Variants in AARS1 observed in about 807,000 individuals in gnomAD.
The protein encoded by AARS1 is alanyl-tRNA synthetase 1.
In AARS1, 72 loss-of-function variants were observed where a neutral mutation model predicts 108.9. That is an observed-to-expected ratio of 0.66 (90% CI 0.55 to 0.80). The LOEUF (loss-of-function observed/expected upper bound fraction) is 0.80. Ranked by LOEUF, AARS1 falls within the 30% of genes least tolerant of loss-of-function variation. The pLI is 0.00. For synonymous variants in AARS1, 489 were observed against 465.7 expected (o/e 1.05, Z -0.64); for missense variants, 1,193 against 1,233.2 (o/e 0.97, Z 0.49).
chr16:70,278,278 T>C (rs1313630039), intron 2 of AARS1, among the ~76,000 whole-genome samples: 1 of 151,636 alleles, frequency 6.6e-6, no homozygotes, highest in East Asian at 1.9e-4. Context: ...AAATTAGAAA[T>C]TCTCAGCTGG....
chr16:70,253,301 A>C lies in AARS1; in HGVS notation c.2688T>G (p.Ala896=). 6.2e-7 allele frequency: 1 copy of C among 1,614,138 alleles called. No individual in the cohort carries two copies. Among genetic ancestry groups the C allele is most frequent in the Non-Finnish European group, 8.5e-7 (1 of 1,179,982 alleles). The part of the protein sequence containing the change: ...SAMLFTVDNE[A]GKITCLCQVP... ...CTTGACACAGGCACGTGATCTTGCCAGCCTCATTGTCCACCGTGAAGAGCA... is the reference window on the plus strand; with the variant it reads ...CTTGACACAGGCACGTGATCTTGCCCGCCTCATTGTCCACCGTGAAGAGCA... Residue 896 remains alanine (A), a synonymous_variant, in exon 20 of 21, where the codon GCT becomes GCG. Coordinates refer to ENST00000261772, the MANE Select transcript of AARS1 (RefSeq NM_001605.3).
intron 16 of AARS1, 30 bp downstream of exon 16, chr16:70,255,698 A>T (rs1959971975): frequency 6.2e-7 from 1 of 1,602,950 alleles, no homozygotes; most frequent in African/African-American, 1.3e-5. Flanking sequence ...CCTTCTTCAG[A>T]TAAGCCACAA....
intron 16 of AARS1, 30 bp from the exon 17 acceptor site, chr16:70,254,764 C>G: frequency 6.8e-7 from 1 of 1,479,848 alleles, no homozygotes; most frequent in South Asian, 1.1e-5. Context: ...CAACCCCAAG[C>G]AGGAGGTCTG....
At chr16:70,261,285 C>A (rs996210401) in intron 12 of AARS1, 128 bp from the exon 13 acceptor site, 1 of 660,462 alleles carries the variant, frequency 1.5e-6, no homozygotes, top group Non-Finnish European at 2.7e-6. Flanking sequence ...CACACATACT[C>A]CCTTAATATC....
intron 15 of AARS1, among the ~76,000 whole-genome samples, chr16:70,257,580 GGCC>G (rs1283461613): frequency 1.3e-5 from 2 of 152,148 alleles, no homozygotes; most frequent in East Asian, 3.9e-4. Flanking sequence ...TCAACCACGT[GGCC>G]TGCTCGGGGG....
rs778352731 is a variant in AARS1, at chr16:70,262,438, C to T, written c.1579G>A (p.Val527Met). 4 of 1,614,114 alleles carry T rather than the reference C, an allele frequency of 2.5e-6. No individual in the cohort carries two copies. The highest frequency in any genetic ancestry group is 1.7e-5 in the Admixed American group (1 of 60,006). ...EEVSTGQECG[V>M]VLDKTCFYAE... The stretch of plus-strand genomic sequence containing the variant: ...TAGAAACAGGTCTTGTCCAGCACCA[C>T]TCCACACTCCTGGCCTGTGGACACC... Residue 527 changes from valine (V) to methionine (M), a missense_variant, in exon 12 of 21, where the codon GTG becomes ATG. By Grantham distance (21) the Val-to-Met change is conservative. Transcript: ENST00000261772.
In AARS1 at chr16:70,252,615, G is replaced by T; in HGVS notation, c.*106C>A. The T allele has an allele frequency of 7.8e-7, 1 of 1,287,012 alleles. No homozygotes were observed. 79.7% of individuals were successfully genotyped at this position (1,287,012 alleles called of 1,614,324 possible). On this transcript the variant is annotated 3_prime_UTR_variant, in exon 21 of 21. Coordinates refer to ENST00000261772, the MANE Select transcript of AARS1 (RefSeq NM_001605.3). The stretch of plus-strand genomic sequence containing the variant: ...CCCAAGTGTGTTCCAGTTACTGCTG[G>T]GTTAGGAGGGGCTCTTTAAAGGTCC...
chr16:70,284,238 G>A (rs1190202780), intron 1 of AARS1, among the ~76,000 whole-genome samples: 1 of 151,038 alleles, frequency 6.6e-6, no homozygotes, highest in African/African-American at 2.4e-5. Context: ...CCCAGGAGGT[G>A]GAGGTTGCAG....
chr16:70,281,581 G>A (rs925860075), intron 2 of AARS1, among the ~76,000 whole-genome samples: 20 of 152,166 alleles, frequency 1.3e-4, no homozygotes, highest in African/African-American at 4.3e-4. Context: ...CAGGAGAATC[G>A]CTTGAACTCG....
Position 70,252,499 on chromosome 16 carries a change from C to CCGTCT in AARS1, c.*221_*222insAGACG. 1 of 591,284 alleles carries CCGTCT rather than the reference C, an allele frequency of 1.7e-6. No individual in the cohort carries two copies. The highest frequency in any genetic ancestry group is 3.0e-6 in the Non-Finnish European group (1 of 331,598). The allele number at this position is 591,284 out of a possible 1,614,324, so 36.6% of individuals were successfully genotyped here. A position where few individuals can be genotyped will look rare whatever the true frequency, so the allele number is the denominator to read the frequency against. On this transcript the variant is annotated 3_prime_UTR_variant, in exon 21 of 21. Coordinates refer to ENST00000261772, the MANE Select transcript of AARS1 (RefSeq NM_001605.3). Reference sequence around the variant, plus strand: ...CTATAGATGCGAGCGTGACGATCAACAGCAATGCGGGGTTAGTGGTTCTAG... The same window carrying CCGTCT: ...CTATAGATGCGAGCGTGACGATCAACCGTCTAGCAATGCGGGGTTAGTGGTTCTAG...
chr16:70,260,226 T>C (rs577782044), intron 13 of AARS1, among the ~76,000 whole-genome samples: 1 of 152,344 alleles, frequency 6.6e-6, no homozygotes, highest in East Asian at 1.9e-4. Context: ...ACACAAAGTT[T>C]GCCAACCCCT....
chr16:70,259,873 A>G (rs1960092471), intron 13 of AARS1, among the ~76,000 whole-genome samples: 1 of 151,980 alleles, frequency 6.6e-6, no homozygotes, highest in Non-Finnish European at 1.5e-5. Flanking sequence ...CCCGAGTTCA[A>G]GCGATTCTCC....
chr16:70,252,947 G>A, intron 20 of AARS1, 41 bp from the exon 21 acceptor site: 1 of 1,593,786 alleles, frequency 6.3e-7, no homozygotes, highest in Non-Finnish European at 8.6e-7. Flanking sequence ...CACAGAAGAT[G>A]GGATTGAGGG....
At chr16:70,254,398 G>A in intron 17 of AARS1, 1 of 601,084 alleles carries the variant, frequency 1.7e-6, no homozygotes, top group East Asian at 2.9e-5. Flanking sequence ...TACATGCTTG[G>A]GAAGAGCTCT....
chr16:70,253,309 T>C lies in AARS1; in HGVS notation c.2680A>G (p.Asn894Asp). The change falls in exon 20 of 21, where the codon AAT becomes GAT. Residue 894 changes from asparagine (N) to aspartate (D), a missense_variant. By Grantham distance (23) the Asn-to-Asp change is conservative. Coordinates refer to ENST00000261772, the MANE Select transcript of AARS1 (RefSeq NM_001605.3). ...AGGCACGTGATCTTGCCAGCCTCAT[T>C]GTCCACCGTGAAGAGCATGGCAGAA... The part of the protein sequence containing the change: ...QTSAMLFTVD[N>D]EAGKITCLCQ... 1 of 1,614,148 alleles carries C rather than the reference T, an allele frequency of 6.2e-7. No individual in the cohort carries two copies. Among genetic ancestry groups the C allele is most frequent in the Non-Finnish European group, 8.5e-7 (1 of 1,179,992 alleles).
At chr16:70,259,976 T>C (rs915943358) in intron 13 of AARS1, among the ~76,000 whole-genome samples, 6 of 152,108 alleles carry the variant, frequency 3.9e-5, no homozygotes, top group African/African-American at 1.4e-4. Flanking sequence ...TTCTCCATGT[T>C]GGTCAGGCTG....
chr16:70,276,957 T>C lies in AARS1; in HGVS notation c.333+9A>G. The C allele has an allele frequency of 1.9e-6, 3 of 1,614,174 alleles. No individual in the cohort carries two copies. The highest frequency in any genetic ancestry group is 2.5e-6 in the Non-Finnish European group (3 of 1,180,004). On this transcript the variant is annotated intron_variant, in intron 3 of 20. Coordinates refer to ENST00000261772, the MANE Select transcript of AARS1 (RefSeq NM_001605.3). ...CAAAACCCTAGTGGTTCTTCTGCTC[T>C]GAACTTACCTTAAAGTAATCTCCAA...
At chr16:70,271,251 T>C (rs1383068398) in intron 5 of AARS1, among the ~76,000 whole-genome samples, 2 of 146,542 alleles carry the variant, frequency 1.4e-5, no homozygotes, top group Non-Finnish European at 3.0e-5. Context: ...AGTCCAGTTC[T>C]GGCACGGTGG....
intron 11 of AARS1, among the ~76,000 whole-genome samples, chr16:70,263,899 A>C (rs1204816390): frequency 6.6e-6 from 1 of 152,086 alleles, no homozygotes; most frequent in East Asian, 2.0e-4. Flanking sequence ...GGCATCCCGA[A>C]GTGCTGGGAT....
Sources: allele counts gnomAD v4.1 joint callset (sites outside exome capture counted in the v4.1 genomes callset), GRCh38; gene constraint gnomAD v4.1.1; transcripts MANE v1.5; gene names NCBI Gene and HGNC (gene_info 2026-07-23, HGNC 2026-07-21).